The following SPATA21 variants were observed in gnomAD, a reference collection of about 807,000 sequenced individuals.
The protein encoded by SPATA21 is spermatogenesis associated 21.
A neutral mutation model predicts 54.8 loss-of-function variants in SPATA21; 47 were observed. The observed-to-expected ratio is 0.86, with a 90% confidence interval of 0.68 to 1.09. The LOEUF (loss-of-function observed/expected upper bound fraction) is 1.09, where lower values mean the gene tolerates loss of function less well. Among genes scored for constraint, SPATA21 ranks in the 50% least tolerant of loss-of-function variants. SPATA21 has a pLI of 0.00. For synonymous variants in SPATA21, 245 were observed against 235.3 expected, an observed-to-expected ratio of 1.04 and a Z score of -0.38; for missense variants, 599 against 596.4, an observed-to-expected ratio of 1.00 and a Z score of -0.05.
chr1:16,405,001 C>G lies in SPATA21; in HGVS notation c.777G>C (p.Gln259His), dbSNP rs781278873. The change falls in exon 8 of 13, where the codon CAG becomes CAC. Residue 259 changes from glutamine to histidine, a missense_variant. Transcript: ENST00000335496. The stretch of plus-strand genomic sequence containing the variant: ...CAGCACTCATCAGGGCGTCCTCCAC[C>G]TGGGCCAGCGTCACAGAGAAGCCCA... ...LLMGFSVTLA[Q>H]VEDALMSADV... The G allele has an allele frequency of 2.5e-6, 4 of 1,607,678 alleles. No individual in the cohort carries two copies. The highest frequency in any genetic ancestry group is 1.7e-5 in the Admixed American group (1 of 57,884).
intron 11 of SPATA21, 102 bp from the exon 12 acceptor site, chr1:16,399,623 G>C: frequency 7.3e-7 from 1 of 1,360,818 alleles, no homozygotes; most frequent in Non-Finnish European, 9.9e-7. Flanking sequence ...ATAATGACCT[G>C]AGTGGTTTGG....
rs974376143 is a variant in SPATA21 at position 16,410,989 on chromosome 1, C to T, written c.145-946G>A. Reference sequence around the variant, plus strand: ...TATTCCTGTACACCCACTTCTCATTCACTCAGCAACCCCAGTCTCTCTTGC... The same window carrying T: ...TATTCCTGTACACCCACTTCTCATTTACTCAGCAACCCCAGTCTCTCTTGC... On this transcript the variant is annotated intron_variant, in intron 5 of 12. Transcript: ENST00000335496. 2.1e-5 allele frequency: 4 copies of T among 189,324 alleles called. No individual in the cohort carries two copies. The Admixed American group carries it at 2.5e-4, about 12-fold the overall frequency. The allele number at this position is 189,324 out of a possible 1,614,324, so 11.7% of individuals were successfully genotyped here. A position where few individuals can be genotyped will look rare whatever the true frequency, so the allele number is the denominator to read the frequency against.
At chr1:16,411,804 AAAAAC>A (rs1345983489) in intron 5 of SPATA21, among the ~76,000 whole-genome samples, 1,492 of 136,394 alleles carry the variant, frequency 0.011, 53 homozygotes, top group Non-Finnish European at 0.017. Context: ...AAAAAAAAAA[AAAAAC>A]AAAACAAAAC....
Position 16,421,360 on chromosome 1 carries a change from C to A in SPATA21, c.144+149G>T. Reference sequence around the variant, plus strand: ...ACACACGTGTGCACATCCATGTGCACTTTAACACACAGCCACACACACCTT... The same window carrying A: ...ACACACGTGTGCACATCCATGTGCAATTTAACACACAGCCACACACACCTT... On this transcript the variant is annotated intron_variant, in intron 5 of 12. Coordinates refer to ENST00000335496, the MANE Select transcript of SPATA21 (RefSeq NM_198546.1). The surrounding 1 kb of genome is among the most constrained non-coding windows in gnomAD (Gnocchi z 5.2). 1 of 766,092 alleles carries A rather than the reference C, an allele frequency of 1.3e-6. No individual in the cohort carries two copies. The highest frequency in any genetic ancestry group is 2.1e-6 in the Non-Finnish European group (1 of 475,354). 47.5% of individuals were successfully genotyped at this position (766,092 alleles called of 1,614,324 possible). A position where few individuals can be genotyped will look rare whatever the true frequency, so the allele number is the denominator to read the frequency against.
Position 16,409,159 on chromosome 1 carries a change from C to G in SPATA21, c.632G>C (p.Arg211Pro). ...GGTCAGTTGCTCCTCGGACTTCTCC[C>G]GGTTTTGATAAAGCTTTTGGAGGCT... The part of the protein sequence containing the change: ...EQSLQKLYQN[R>P]EKSEEQLTLK... The change falls in exon 7 of 13, where the codon CGG becomes CCG. Residue 211 changes from arginine to proline, a missense_variant. Transcript: ENST00000335496. This position sits in a 1 kb window ranked among gnomAD's most constrained non-coding sequence, Gnocchi z 4.1. 1.2e-6 allele frequency: 2 copies of G among 1,614,158 alleles called. No individual in the cohort carries two copies. The highest frequency in any genetic ancestry group is 1.7e-6 in the Non-Finnish European group (2 of 1,180,006).
chr1:16,400,570 T>C, intron 11 of SPATA21, 150 bp downstream of exon 11: 1 of 1,461,676 alleles, frequency 6.8e-7, no homozygotes, highest in Non-Finnish European at 9.0e-7. Flanking sequence ...TATCAGCCTG[T>C]TTTCTGATGT....
rs761660030 is a variant in SPATA21 at position 16,409,574 on chromosome 1, G to A, written c.587+27C>T. 5.6e-6 allele frequency: 9 copies of A among 1,594,802 alleles called. No homozygotes were observed. The highest frequency in any genetic ancestry group is 1.1e-5 in the South Asian group (1 of 88,732). ...TCTGATCTTGGGGCCTTTCAGGAGC[G>A]GGCGGGTGAGCAGCGGGGGCTCCTA... is the stretch of plus-strand genomic sequence containing the variant. On this transcript the variant is annotated intron_variant, in intron 6 of 12. Coordinates refer to ENST00000335496, the MANE Select transcript of SPATA21 (RefSeq NM_198546.1). The surrounding 1 kb of genome is among the most constrained non-coding windows in gnomAD (Gnocchi z 4.1).
At chr1:16,425,443 G>A (rs2100878464) in intron 3 of SPATA21, 1 of 1,419,318 alleles carries the variant, frequency 7.0e-7, no homozygotes, top group Non-Finnish European at 9.6e-7. Context: ...ACCAGAATGG[G>A]GGGCATGATA....
chr1:16,435,304 G>A (rs1035100355), intron 1 of SPATA21, among the ~76,000 whole-genome samples: 3 of 151,522 alleles, frequency 2.0e-5, no homozygotes, highest in Non-Finnish European at 4.4e-5. Flanking sequence ...TTGGAAAAAT[G>A]TTTATTCAGA....
chr1:16,407,535 C>G (rs2085681525), intron 7 of SPATA21, among the ~76,000 whole-genome samples: 1 of 152,114 alleles, frequency 6.6e-6, no homozygotes, highest in South Asian at 2.1e-4. Context: ...TCTTGGCTCA[C>G]TGCAACCTCC....
At chr1:16,416,041 C>G (rs1019059195) in intron 5 of SPATA21, among the ~76,000 whole-genome samples, 1 of 152,176 alleles carries the variant, frequency 6.6e-6, no homozygotes, top group Non-Finnish European at 1.5e-5. Flanking sequence ...GTGTCCTGAA[C>G]AGGCCACTGC....
At chr1:16,405,382 G>A (rs780391997) in intron 7 of SPATA21, among the ~76,000 whole-genome samples, 6 of 150,746 alleles carry the variant, frequency 4.0e-5, no homozygotes, top group Non-Finnish European at 8.8e-5. Context: ...CATGACTGTT[G>A]TCCCAGCTAC....
rs1320616863 is a variant in SPATA21, at chr1:16,409,671, C to A, written c.517G>T (p.Asp173Tyr). ...PCPVLLGPAL[D>Y]LGWRRMELLH... ...AGTTCCATCCTTCTCCAGCCCAGGT[C>A]CAGGGCAGGGCCCAGCAGGACAGGG... Residue 173 changes from aspartate (D) to tyrosine (Y), a missense_variant, in exon 6 of 13, where the codon GAC becomes TAC. Physicochemically the swap from Asp to Tyr is radical, Grantham distance 160. Coordinates refer to ENST00000335496, the MANE Select transcript of SPATA21 (RefSeq NM_198546.1). This position sits in a 1 kb window ranked among gnomAD's most constrained non-coding sequence, Gnocchi z 4.1. 6.2e-7 allele frequency: 1 copy of A among 1,613,392 alleles called. No homozygotes were observed. The highest frequency in any genetic ancestry group is 8.5e-7 in the Non-Finnish European group (1 of 1,179,980).
intron 9 of SPATA21, 40 bp downstream of exon 9, chr1:16,403,928 C>G: frequency 1.2e-6 from 2 of 1,612,392 alleles, no homozygotes; most frequent in Non-Finnish European, 1.7e-6. Flanking sequence ...CTCCCAGCCC[C>G]TCCTCCAGTT....
chr1:16,403,858 A>T lies in SPATA21; in HGVS notation c.884-14T>A. 6.2e-7 allele frequency: 1 copy of T among 1,609,454 alleles called. No individual in the cohort carries two copies. The highest frequency in any genetic ancestry group is 8.5e-7 in the Non-Finnish European group (1 of 1,177,188). ...GGGCGTTCTGTTCTGGAGACATGGG[A>T]TAGTGGCTGCCGTTACCACTGGGCA... On this transcript the variant is annotated splice_polypyrimidine_tract_variant and intron_variant, in intron 9 of 12. Coordinates refer to ENST00000335496, the MANE Select transcript of SPATA21 (RefSeq NM_198546.1).
At chr1:16,406,387 G>T (rs1194501543) in intron 7 of SPATA21, among the ~76,000 whole-genome samples, 1 of 152,162 alleles carries the variant, frequency 6.6e-6, no homozygotes, top group Non-Finnish European at 1.5e-5. Context: ...AAAGAGGTGA[G>T]AAAGTTAAAA....
chr1:16,398,934 C>T (rs1352190847), intron 12 of SPATA21, 112 bp from the exon 13 acceptor site: 46 of 1,145,276 alleles, frequency 4.0e-5, no homozygotes, highest in Non-Finnish European at 3.3e-5. Flanking sequence ...GGCCTCCCCT[C>T]AGAAATGGTG....
chr1:16,422,251 C>G, intron 3 of SPATA21: 1 of 1,380,134 alleles, frequency 7.2e-7, no homozygotes, highest in Non-Finnish European at 9.4e-7. Context: ...CCAGGTGAAC[C>G]TCAATGCTCC....
intron 1 of SPATA21, among the ~76,000 whole-genome samples, chr1:16,436,096 CA>C (rs1159385394): frequency 6.6e-6 from 1 of 151,692 alleles, no homozygotes; most frequent in Non-Finnish European, 1.5e-5. Context: ...ACTAAAGATA[CA>C]AAAAATTAGC....
Sources: allele counts gnomAD v4.1 joint callset (sites outside exome capture counted in the v4.1 genomes callset), GRCh38; gene constraint gnomAD v4.1.1; non-coding constraint Gnocchi (gnomAD v3.1); transcripts MANE v1.5; gene names NCBI Gene and HGNC (gene_info 2026-07-23, HGNC 2026-07-21).